MAGEC1: variants seen among roughly 807,000 people sequenced by gnomAD.
MAGEC1 encodes melanoma-associated antigen C1.
A neutral mutation model predicts 1.5 loss-of-function variants in MAGEC1; 3 were observed. That is an observed-to-expected ratio of 1.97 (90% confidence interval 0.90 to 5.10). The LOEUF (loss-of-function observed/expected upper bound fraction) is 5.10. Among genes scored for constraint, MAGEC1 ranks in the 30% most tolerant of loss-of-function variants. The pLI, the probability that MAGEC1 is intolerant of heterozygous loss-of-function variation, is 0.02. For missense variants in MAGEC1, 985 were observed against 803.1 expected, an observed-to-expected ratio of 1.23 and a Z score of -2.74; for synonymous variants, 357 against 310.4, an observed-to-expected ratio of 1.15 and a Z score of -1.58.
chrX:141,906,996 A>G lies in MAGEC1; in HGVS notation c.1592A>G (p.Gln531Arg). ...GGGGAGAATACCCATTCTCCTCTCC[A>G]GATTGTTCCAAGTCTTCCTGAGTGG... ...PEGENTHSPLQIVPSLPEWED... is the reference protein window; with the variant it reads ...PEGENTHSPLRIVPSLPEWED... Residue 531 changes from glutamine (Q) to arginine (R), a missense_variant, in exon 4 of 4, where the codon CAG (glutamine) becomes CGG (arginine). Gln to Arg is a conservative substitution (Grantham distance 43). Transcript: ENST00000285879. 8.3e-7 allele frequency: 1 copy of G among 1,212,051 alleles called. No individual in the cohort carries two copies. The highest frequency in any genetic ancestry group is 1.7e-5 in the African/African-American group (1 of 57,867).
At position 141,907,762 on chromosome X, in the gene MAGEC1, T is replaced by G. The variant is rs144851947; in HGVS notation, c.2358T>G (p.Thr786=). The change falls in exon 4 of 4, where the codon ACT becomes ACG. Residue 786 remains threonine (T), a synonymous_variant. Transcript: ENST00000285879. ...CTGTCAGCTCCTTCTTCTCCTACAC[T>G]TTAGCGAGTCTTCTCCAAAGTTCCC... ...QRPVSSFFSY[T]LASLLQSSHE... is the part of the protein sequence containing the mutation. The G allele has an allele frequency of 5.7e-5, 69 of 1,207,412 alleles. No individual in the cohort carries two copies. The African/African-American group carries it at 1.1e-3, about 20-fold the overall frequency.
In MAGEC1 at chrX:141,906,882, G is replaced by A. The variant is rs1208322489; in HGVS notation, c.1478G>A (p.Ser493Asn). ...SSSSSSSTLLSLFQSSPECTQ... is the reference protein window; with the variant it reads ...SSSSSSSTLLNLFQSSPECTQ... ...TCCTCCTCCTCCTCCACTTTATTGA[G>A]TCTTTTCCAGAGTTCCCCTGAGTGT... Residue 493 changes from serine to asparagine, a missense_variant, in exon 4 of 4, where the codon AGT becomes AAT. By Grantham distance (46) the Ser-to-Asn change is conservative (BLOSUM62 1). Transcript: ENST00000285879. The A allele has an allele frequency of 1.7e-6, 2 of 1,208,081 alleles. No homozygotes were observed. Among genetic ancestry groups the A allele is most frequent in the African/African-American group, 1.8e-5 (1 of 56,616 alleles).
Position 141,907,564 on chromosome X carries a change from C to A in MAGEC1, c.2160C>A (p.Ser720=), listed in dbSNP as rs371726972. 4 of 1,198,510 alleles carry A rather than the reference C, an allele frequency of 3.3e-6. No individual in the cohort carries two copies. In the African/African-American group the frequency reaches 7.2e-5, roughly 22 times the overall value. The change falls in exon 4 of 4, where the codon TCC becomes TCA. Residue 720 remains serine (S), a synonymous_variant. Transcript: ENST00000285879. ...AGAGTCCTCCTGAGTGGGAGGACTCCCTCTCTCCTCTCCACTTTCCTCAGT... is the reference window on the plus strand; with the variant it reads ...AGAGTCCTCCTGAGTGGGAGGACTCACTCTCTCCTCTCCACTTTCCTCAGT... ...FPQSPPEWED[S]LSPLHFPQFP... is the part of the protein sequence containing the mutation.
chrX:141,907,806 C>T lies in MAGEC1; in HGVS notation c.2402C>T (p.Pro801Leu), dbSNP rs1342209563. 2 of 1,211,044 alleles carry T rather than the reference C, an allele frequency of 1.7e-6. No homozygotes were observed. Among genetic ancestry groups the T allele is most frequent in the Admixed American group, 4.3e-5 (2 of 46,030 alleles). ...AGTTCCCATGAGAGTCCTCAGAGTC[C>T]TCCTGAGGGGCCTGCCCAGTCTCCT... The part of the protein sequence containing the change: ...LQSSHESPQS[P>L]PEGPAQSPLQ... The change falls in exon 4 of 4, where the codon CCT becomes CTT. Residue 801 changes from proline (P) to leucine (L), a missense_variant. Coordinates refer to ENST00000285879, the MANE Select transcript of MAGEC1 (RefSeq NM_005462.5).
At position 141,908,007 on chromosome X, in the gene MAGEC1, G is replaced by A. The variant is rs773260784; in HGVS notation, c.2603G>A (p.Ser868Asn). The A allele has an allele frequency of 5.0e-6, 6 of 1,210,128 alleles. No individual in the cohort carries two copies. Among genetic ancestry groups the A allele is most frequent in the South Asian group, 1.8e-5 (1 of 56,821 alleles). The change falls in exon 4 of 4, where the codon AGT (serine) becomes AAT (asparagine). Residue 868 changes from serine to asparagine, a missense_variant. By Grantham distance (46) the Ser-to-Asn change is conservative (BLOSUM62 1). Coordinates refer to ENST00000285879, the MANE Select transcript of MAGEC1 (RefSeq NM_005462.5). ...FSSSTSLSPF[S>N]EESSSPVDEY... ...TCCTCCACTTCATTGAGCCCATTCAGTGAAGAGTCCAGCAGCCCAGTAGAT... is the reference window on the plus strand; with the variant it reads ...TCCTCCACTTCATTGAGCCCATTCAATGAAGAGTCCAGCAGCCCAGTAGAT...
rs176036 is a variant in MAGEC1 at position 141,905,478 on chromosome X, G to A, written c.74G>A (p.Cys25Tyr). The change falls in exon 4 of 4, where the codon TGT becomes TAT. Residue 25 changes from cysteine (C) to tyrosine (Y), a missense_variant. Transcript: ENST00000285879. ...AGTTCCTCTGAGAGTCCTCAGAGTT[G>A]TCCTGAGGGGGAGGACTCCCAGTCT... ...LQSSSESPQSCPEGEDSQSPL... is the reference protein window; with the variant it reads ...LQSSSESPQSYPEGEDSQSPL... The A allele has an allele frequency of 0.2, 244,630 of 1,209,037 alleles. 18,094 individuals are homozygous for A. The highest frequency in any genetic ancestry group is 0.22 in the Non-Finnish European group (199,034 of 894,343).
At position 141,904,947 on chromosome X, in the gene MAGEC1, TGCTTTCTC is replaced by T; in HGVS notation, c.-103-20_-103-13del. ...TCTGCCTGCCAGCTGTGCCCCGAGGTGCTTTCTCGCGTCCTTCTACAGGTTCCCAGAAG... is the reference window on the plus strand; with the variant it reads ...TCTGCCTGCCAGCTGTGCCCCGAGGTGCGTCCTTCTACAGGTTCCCAGAAG... On this transcript the variant is annotated splice_polypyrimidine_tract_variant and intron_variant, in intron 2 of 3. Transcript: ENST00000285879. 9.6e-7 allele frequency: 1 copy of T among 1,041,478 alleles called. No individual in the cohort carries two copies. Among genetic ancestry groups the T allele is most frequent in the Admixed American group, 2.3e-5 (1 of 44,329 alleles). The allele number at this position is 1,041,478 out of a possible 1,213,427, so 85.8% of individuals were successfully genotyped here.
In MAGEC1 at chrX:141,904,707, C is replaced by T. The variant is rs772513168; in HGVS notation, c.-201-10C>T. The T allele has an allele frequency of 8.6e-6, 2 of 233,520 alleles. No individual in the cohort carries two copies. Among genetic ancestry groups the T allele is most frequent in the African/African-American group, 5.6e-5 (2 of 35,530 alleles). The allele number at this position is 233,520 out of a possible 1,213,427, so 19.2% of individuals were successfully genotyped here. On this transcript the variant is annotated splice_polypyrimidine_tract_variant and intron_variant, in intron 1 of 3. Coordinates refer to ENST00000285879, the MANE Select transcript of MAGEC1 (RefSeq NM_005462.5). ...CTTAGCTGGAGGGGCTCCCTCCCTT[C>T]CTCTTGCAGGTGCTCCAGAAAGCAG...
At position 141,907,338 on chromosome X, in the gene MAGEC1, C is replaced by G. The variant is rs1411854176; in HGVS notation, c.1934C>G (p.Pro645Arg). 1 of 1,203,756 alleles carries G rather than the reference C, an allele frequency of 8.3e-7. No homozygotes were observed. Among genetic ancestry groups the G allele is most frequent in the East Asian group, 3.0e-5 (1 of 33,501 alleles). The change falls in exon 4 of 4, where the codon CCT becomes CGT. Residue 645 changes from proline to arginine, a missense_variant. Pro to Arg is a moderately radical substitution (Grantham distance 103). Coordinates refer to ENST00000285879, the MANE Select transcript of MAGEC1 (RefSeq NM_005462.5). ...STPSSLPQSF[P>R]ESSQSPPEGP... is the part of the protein sequence containing the mutation. Reference sequence around the variant, plus strand: ...CCATCCAGTCTTCCCCAGAGTTTCCCTGAGAGTTCTCAGAGTCCTCCTGAG... The same window carrying G: ...CCATCCAGTCTTCCCCAGAGTTTCCGTGAGAGTTCTCAGAGTCCTCCTGAG...
rs4824884 is a variant in MAGEC1, at chrX:141,906,494, A to C, written c.1090A>C (p.Thr364Pro). Residue 364 changes from threonine (T) to proline (P), a missense_variant, in exon 4 of 4, where the codon ACT becomes CCT. Thr to Pro is a conservative substitution (Grantham distance 38). Coordinates refer to ENST00000285879, the MANE Select transcript of MAGEC1 (RefSeq NM_005462.5). The stretch of plus-strand genomic sequence containing the variant: ...GAGTTCTCCTGAGAGTGCTCAAAGT[A>C]CTTTTGAGGGTTTTCCCCAGTCTCC... ...FQSSPESAQSTFEGFPQSPLQ... is the reference protein window; with the variant it reads ...FQSSPESAQSPFEGFPQSPLQ... The C allele has an allele frequency of 2.5e-6, 3 of 1,179,512 alleles. No individual in the cohort carries two copies. The highest frequency in any genetic ancestry group is 3.1e-5 in the East Asian group (1 of 32,681).
chrX:141,906,123 C>G lies in MAGEC1; in HGVS notation c.719C>G (p.Ser240Cys). ...QSPLQIPVSP[S>C]SSSTLLSLFQ... ...CCTCTCCAGATTCCTGTGAGCCCCT[C>G]CTCCTCCTCCACTTTACTGAGTCTT... is the stretch of plus-strand genomic sequence containing the variant. Residue 240 changes from serine to cysteine, a missense_variant, in exon 4 of 4, where the codon TCC becomes TGC. Coordinates refer to ENST00000285879, the MANE Select transcript of MAGEC1 (RefSeq NM_005462.5). 2 of 791,794 alleles carry G rather than the reference C, an allele frequency of 2.5e-6. No homozygotes were observed. The highest frequency in any genetic ancestry group is 3.7e-6 in the Non-Finnish European group (2 of 540,889). 65.3% of individuals were successfully genotyped at this position (791,794 alleles called of 1,213,427 possible).
At position 141,908,601 on chromosome X, in the gene MAGEC1, G is replaced by A. The variant is rs200237572; in HGVS notation, c.3197G>A (p.Arg1066His). 2.9e-4 allele frequency: 347 copies of A among 1,207,185 alleles called. No individual in the cohort carries two copies. Among genetic ancestry groups the A allele is most frequent in the Non-Finnish European group, 3.7e-4 (332 of 893,751 alleles). Reference protein sequence around the residue: ...YREVPNSSPPRYEFLWGPRAH... With the variant: ...YREVPNSSPPHYEFLWGPRAH... The stretch of plus-strand genomic sequence containing the variant: ...GAGGTGCCCAACTCTTCTCCTCCTC[G>A]TTACGAATTCCTGTGGGGTCCAAGA... Residue 1066 changes from arginine (R) to histidine (H), a missense_variant, in exon 4 of 4, where the codon CGT becomes CAT. Physicochemically the swap from Arg to His is conservative, Grantham distance 29. Transcript: ENST00000285879.
rs760984005 is a variant in MAGEC1, at chrX:141,906,540, C to T, written c.1136C>T (p.Pro379Leu). The T allele has an allele frequency of 8.4e-7, 1 of 1,194,389 alleles. No individual in the cohort carries two copies. The highest frequency in any genetic ancestry group is 1.1e-6 in the Non-Finnish European group (1 of 887,353). Residue 379 changes from proline (P) to leucine (L), a missense_variant, in exon 4 of 4, where the codon CCC becomes CTC. Transcript: ENST00000285879. ...PQSPLQIPGS[P>L]SFSSTLLSLF... ...TCTCCTCTCCAGATTCCTGGGAGCCCCTCCTTCTCCTCCACTTTACTGAGT... is the reference window on the plus strand; with the variant it reads ...TCTCCTCTCCAGATTCCTGGGAGCCTCTCCTTCTCCTCCACTTTACTGAGT...
At position 141,907,341 on chromosome X, in the gene MAGEC1, A is replaced by C; in HGVS notation, c.1937A>C (p.Glu646Ala). ...TCCAGTCTTCCCCAGAGTTTCCCTG[A>C]GAGTTCTCAGAGTCCTCCTGAGGGG... Reference protein sequence around the residue: ...TPSSLPQSFPESSQSPPEGPV... With the variant: ...TPSSLPQSFPASSQSPPEGPV... Residue 646 changes from glutamate (E) to alanine (A), a missense_variant, in exon 4 of 4, where the codon GAG becomes GCG. Glu to Ala is a moderately radical substitution (Grantham distance 107). Transcript: ENST00000285879. 1 of 1,203,802 alleles carries C rather than the reference A, an allele frequency of 8.3e-7. No individual in the cohort carries two copies. The highest frequency in any genetic ancestry group is 1.8e-5 in the South Asian group (1 of 56,568).
intron 1 of MAGEC1, among the ~76,000 whole-genome samples, chrX:141,904,252 C>T (rs2018162632): frequency 9.0e-6 from 1 of 111,577 alleles, no homozygotes. Flanking sequence ...CCATAGAGCT[C>T]CCCAGGTGGC....
rs1401595282 is a variant in MAGEC1 at position 141,905,663 on chromosome X, CCTGAGGGCGACGACA to C, written c.261_275del (p.Glu88_Thr92del). 8 of 1,210,685 alleles carry C rather than the reference CCTGAGGGCGACGACA, an allele frequency of 6.6e-6. No homozygotes were observed. The South Asian group carries it at 1.4e-4, about 21-fold the overall frequency. On this transcript the variant is annotated inframe_deletion, in exon 4 of 4. Transcript: ENST00000285879. ...TCCTCTCCAGATTCCCCAGAGTTCTCCTGAGGGCGACGACACCCAGTCTCCTCTCCAGAATTCTCA... is the reference window on the plus strand; with the variant it reads ...TCCTCTCCAGATTCCCCAGAGTTCTCCCCAGTCTCCTCTCCAGAATTCTCA...
rs1026137705 is a variant in MAGEC1 at position 141,908,951 on chromosome X, G to T, written c.*118G>T. 1.2e-5 allele frequency: 7 copies of T among 573,520 alleles called. No homozygotes were observed. In the African/African-American group the frequency reaches 1.6e-4, roughly 13 times the overall value. 47.3% of individuals were successfully genotyped at this position (573,520 alleles called of 1,213,427 possible). A position where few individuals can be genotyped will look rare whatever the true frequency, so the allele number is the denominator to read the frequency against. On this transcript the variant is annotated 3_prime_UTR_variant, in exon 4 of 4. Coordinates refer to ENST00000285879, the MANE Select transcript of MAGEC1 (RefSeq NM_005462.5). ...CTATTTGCATTTCTGTTCCATATGGGTAGTTATGGGGTTTACCTGTTTTAC... is the reference window on the plus strand; with the variant it reads ...CTATTTGCATTTCTGTTCCATATGGTTAGTTATGGGGTTTACCTGTTTTAC...
rs2018166927 is a variant in MAGEC1 at position 141,904,821 on chromosome X, G to A, written c.-104+7G>A. 1.4e-5 allele frequency: 6 copies of A among 438,148 alleles called. No individual in the cohort carries two copies. The highest frequency in any genetic ancestry group is 2.4e-5 in the Non-Finnish European group (6 of 250,446). 36.1% of individuals were successfully genotyped at this position (438,148 alleles called of 1,213,427 possible). On this transcript the variant is annotated splice_region_variant and intron_variant, in intron 2 of 3. Coordinates refer to ENST00000285879, the MANE Select transcript of MAGEC1 (RefSeq NM_005462.5). Reference sequence around the variant, plus strand: ...GGCAGTGCCAGGAGTCAAGGTGAGTGCACGACCTGACTGTGTACCAAGGGC... The same window carrying A: ...GGCAGTGCCAGGAGTCAAGGTGAGTACACGACCTGACTGTGTACCAAGGGC...
rs1228286451 is a variant in MAGEC1, at chrX:141,905,583, G to A, written c.179G>A (p.Gly60Glu). The part of the protein sequence containing the change: ...PLQSPQSRSE[G>E]EDSSDPLQRP... Reference sequence around the variant, plus strand: ...CAGAGTCCTCAGAGTCGTTCTGAGGGGGAGGACTCCTCGGATCCTCTCCAG... The same window carrying A: ...CAGAGTCCTCAGAGTCGTTCTGAGGAGGAGGACTCCTCGGATCCTCTCCAG... The change falls in exon 4 of 4, where the codon GGG becomes GAG. Residue 60 changes from glycine to glutamate, a missense_variant. By Grantham distance (98) the Gly-to-Glu change is moderately conservative. Coordinates refer to ENST00000285879, the MANE Select transcript of MAGEC1 (RefSeq NM_005462.5). The A allele has an allele frequency of 8.3e-7, 1 of 1,206,156 alleles. No individual in the cohort carries two copies. The highest frequency in any genetic ancestry group is 1.1e-6 in the Non-Finnish European group (1 of 893,913).
Sources: allele counts gnomAD v4.1 joint callset (sites outside exome capture counted in the v4.1 genomes callset), GRCh38; gene constraint gnomAD v4.1.1; transcripts MANE v1.5; gene names NCBI Gene and HGNC (gene_info 2026-07-23, HGNC 2026-07-21).